Variants in ZNF724 observed in about 807,000 individuals in gnomAD.
ZNF724 encodes the protein zinc finger protein 724, also known as zinc finger protein 724 pseudogene.
ZNF724 carries 14 observed loss-of-function variants against 29.3 expected under a neutral mutation model. The ratio of observed to expected loss-of-function variants is 0.48; its 90% CI spans 0.32 to 0.75. The LOEUF is 0.75. Ranked by LOEUF, ZNF724 falls within the 30% of genes least tolerant of loss-of-function variation. The probability of loss-of-function intolerance (pLI) is 0.04; values close to 1 mark genes in which losing one functional copy is unlikely to be tolerated. For missense variants in ZNF724, 557 were observed against 571.2 expected, an observed-to-expected ratio of 0.98 and a Z score of 0.25; for synonymous variants, 180 against 193.6, an observed-to-expected ratio of 0.93 and a Z score of 0.58.
Position 23,238,459 on chromosome 19 carries a change from GT to G in ZNF724, c.4-6167del, listed in dbSNP as rs530650149. ...CCTGAGTCAGAAAGAATGACAAAAGGTTTCTTTAGCTGTAAATATGATTTAC... is the reference window on the plus strand; with the variant it reads ...CCTGAGTCAGAAAGAATGACAAAAGGTTCTTTAGCTGTAAATATGATTTAC... On this transcript the variant is annotated intron_variant, in intron 1 of 3. Transcript: ENST00000418100. Among the ~76,000 whole-genome samples the G allele has an allele frequency of 2.5e-4, 38 of 152,140 alleles. 1 individual carries two copies. Among genetic ancestry groups the G allele is most frequent in the Non-Finnish European group, 4.7e-4 (32 of 68,020 alleles).
rs890083715 is a variant in ZNF724 at position 23,223,214 on chromosome 19, C to T, written c.1031G>A (p.Gly344Asp). ...GDKPYKCEEC[G>D]KAFNVSSTLT... The stretch of plus-strand genomic sequence containing the variant: ...GGTTGAGGACACATTAAAGGCTTTG[C>T]CACATTCTTCACATTTATAAGGTTT... Residue 344 changes from glycine to aspartate, a missense_variant, in exon 4 of 4, where the codon GGC becomes GAC. This residue lies in a region of ZNF724 where 362 missense variants were observed against 295.5 expected (regional missense o/e 1.22). Coordinates refer to ENST00000418100, the MANE Select transcript of ZNF724 (RefSeq NM_001355404.2). 7 of 1,021,974 alleles carry T rather than the reference C, an allele frequency of 6.8e-6. No individual in the cohort carries two copies. Among genetic ancestry groups the T allele is most frequent in the Non-Finnish European group, 1.1e-5 (7 of 642,258 alleles). The allele number at this position is 1,021,974 out of a possible 1,614,324, so 63.3% of individuals were successfully genotyped here. A position where few individuals can be genotyped will look rare whatever the true frequency, so the allele number is the denominator to read the frequency against.
At position 23,223,132 on chromosome 19, in the gene ZNF724, A is replaced by G; in HGVS notation, c.1113T>C (p.Cys371=). 1 of 1,285,036 alleles carries G rather than the reference A, an allele frequency of 7.8e-7. No individual in the cohort carries two copies. The highest frequency in any genetic ancestry group is 1.1e-6 in the Non-Finnish European group (1 of 881,236). 79.6% of individuals were successfully genotyped at this position (1,285,036 alleles called of 1,614,324 possible). A position where few individuals can be genotyped will look rare whatever the true frequency, so the allele number is the denominator to read the frequency against. The change falls in exon 4 of 4, where the codon TGT becomes TGC. Residue 371 remains cysteine, a synonymous_variant. Coordinates refer to ENST00000418100, the MANE Select transcript of ZNF724 (RefSeq NM_001355404.2). ...TGEKPYKCEE[C]GKAFNVSSTL... ...TTGAGGACACGTTAAAGGCTTTGCCACACTCTTCACATTTGTAAGGTTTCT... is the reference window on the plus strand; with the variant it reads ...TTGAGGACACGTTAAAGGCTTTGCCGCACTCTTCACATTTGTAAGGTTTCT...
In ZNF724 at chr19:23,244,268, G is replaced by A. The variant is rs1050741146; in HGVS notation, c.3+5972C>T. 1.2e-4 allele frequency among the ~76,000 whole-genome samples: 19 copies of A among 152,194 alleles called. 1 individual carries two copies. The highest frequency in any genetic ancestry group is 4.3e-4 in the African/African-American group (18 of 41,514). Reference sequence around the variant, plus strand: ...GGTGTCTGGGGAACAGGAATATGCCGGGAGACTCGTAGACACTTTTGAAGG... The same window carrying A: ...GGTGTCTGGGGAACAGGAATATGCCAGGAGACTCGTAGACACTTTTGAAGG... On this transcript the variant is annotated intron_variant, in intron 1 of 3. Coordinates refer to ENST00000418100, the MANE Select transcript of ZNF724 (RefSeq NM_001355404.2).
chr19:23,241,776 C>G (rs767631060), intron 1 of ZNF724, among the ~76,000 whole-genome samples: 4 of 152,130 alleles, frequency 2.6e-5, no homozygotes, highest in Non-Finnish European at 5.9e-5. Flanking sequence ...CCAAAGCCAA[C>G]ATACTAAATG....
At chr19:23,224,143 A>T (rs1971779761) in intron 3 of ZNF724, 125 bp from the exon 4 acceptor site, 1 of 529,836 alleles carries the variant, frequency 1.9e-6, no homozygotes, top group South Asian at 3.1e-5. Flanking sequence ...CAGGCATGGT[A>T]GCTAATGCCT....
chr19:23,235,584 C>T lies in ZNF724; in HGVS notation c.4-3291G>A, dbSNP rs184109425. ...GCACCAGCTCTAAAAATTTAACAGA[C>T]TCACTAGTCAAAACTTCCAATCAGT... On this transcript the variant is annotated intron_variant, in intron 1 of 3. Transcript: ENST00000418100. Among the ~76,000 whole-genome samples the T allele has an allele frequency of 2.1e-3, 317 of 152,102 alleles. 5 individuals are homozygous for T. Among genetic ancestry groups the T allele is most frequent in the Non-Finnish European group, 2.2e-4 (15 of 67,984 alleles).
intron 1 of ZNF724, among the ~76,000 whole-genome samples, chr19:23,237,717 T>TAA (rs56110527): frequency 0.017 from 2,296 of 132,548 alleles, 69 homozygotes; most frequent in African/African-American, 0.058. Context: ...GAACCCGTCT[T>TAA]AAAAAAAAAA....
intron 1 of ZNF724, among the ~76,000 whole-genome samples, chr19:23,247,124 G>A (rs919767945): frequency 6.6e-6 from 1 of 152,160 alleles, no homozygotes; most frequent in Non-Finnish European, 1.5e-5. Flanking sequence ...TCAGGAGGCT[G>A]AGGAAGGAGA....
intron 1 of ZNF724, among the ~76,000 whole-genome samples, chr19:23,244,966 T>C (rs1223267557): frequency 6.6e-6 from 1 of 152,146 alleles, no homozygotes; most frequent in East Asian, 1.9e-4. Context: ...AAGAAATGTG[T>C]AAGACAAAGA....
rs1226178559 is a variant in ZNF724, at chr19:23,223,217, C to T, written c.1028G>A (p.Cys343Tyr). The change falls in exon 4 of 4, where the codon TGT becomes TAT. Residue 343 changes from cysteine (C) to tyrosine (Y), a missense_variant. Physicochemically the swap from Cys to Tyr is radical, Grantham distance 194 (BLOSUM62 -2). This residue lies in a region of ZNF724 where 362 missense variants were observed against 295.5 expected (regional missense o/e 1.22). Coordinates refer to ENST00000418100, the MANE Select transcript of ZNF724 (RefSeq NM_001355404.2). Reference protein sequence around the residue: ...TGDKPYKCEECGKAFNVSSTL... With the variant: ...TGDKPYKCEEYGKAFNVSSTL... ...TGAGGACACATTAAAGGCTTTGCCA[C>T]ATTCTTCACATTTATAAGGTTTATC... The T allele has an allele frequency of 2.0e-6, 2 of 1,001,480 alleles. No individual in the cohort carries two copies. The highest frequency in any genetic ancestry group is 1.7e-5 in the Admixed American group (1 of 58,116). 62.0% of individuals were successfully genotyped at this position (1,001,480 alleles called of 1,614,324 possible).
intron 2 of ZNF724, 52 bp from the exon 3 acceptor site, chr19:23,231,413 T>C (rs1262165587): frequency 8.4e-7 from 1 of 1,186,868 alleles, no homozygotes; most frequent in African/African-American, 1.5e-5. Context: ...CTTTAAATAA[T>C]GTGCTCAGTA....
At chr19:23,232,457 T>C (rs572778344) in intron 1 of ZNF724, among the ~76,000 whole-genome samples, 164 bp from the exon 2 acceptor site, 1 of 152,324 alleles carries the variant, frequency 6.6e-6, no homozygotes, top group South Asian at 2.1e-4. Context: ...TCTGATGTAC[T>C]CTCTAACTCT....
intron 3 of ZNF724, among the ~76,000 whole-genome samples, chr19:23,229,025 T>C (rs1971888773): frequency 6.6e-6 from 1 of 151,400 alleles, no homozygotes; most frequent in Admixed American, 6.6e-5. Context: ...ATGGTGCCAC[T>C]GCACTCCAGT....
rs1972204814 is a variant in ZNF724 at position 23,244,602 on chromosome 19, GTAT to G, written c.3+5635_3+5637del. On this transcript the variant is annotated intron_variant, in intron 1 of 3. Transcript: ENST00000418100. ...TTTATTCCAGGCTAGACCTTTTATG[GTAT>G]TTTTATTCTGGCACAAAATCTATAG... Among the ~76,000 whole-genome samples the G allele has an allele frequency of 1.3e-5, 2 of 152,082 alleles. 1 individual carries two copies. Among genetic ancestry groups the G allele is most frequent in the Admixed American group, 1.3e-4 (2 of 15,264 alleles).
At chr19:23,240,031 G>C (rs942397767) in intron 1 of ZNF724, among the ~76,000 whole-genome samples, 1 of 152,098 alleles carries the variant, frequency 6.6e-6, no homozygotes, top group African/African-American at 2.4e-5. Context: ...ACAACAGGGG[G>C]CCAGGTGCCG....
chr19:23,245,981 T>C (rs192671076), intron 1 of ZNF724, among the ~76,000 whole-genome samples: 1 of 152,260 alleles, frequency 6.6e-6, no homozygotes, highest in African/African-American at 2.4e-5. Flanking sequence ...GCTTCTTCCA[T>C]GGCTGGAGTG....
intron 1 of ZNF724, among the ~76,000 whole-genome samples, chr19:23,247,471 A>G (rs1416974559): frequency 1.3e-5 from 2 of 152,200 alleles, no homozygotes; most frequent in Non-Finnish European, 2.9e-5. Flanking sequence ...AGTGCTGATT[A>G]GAAAACAGAT....
intron 1 of ZNF724, among the ~76,000 whole-genome samples, chr19:23,239,553 G>A (rs1315344698): frequency 9.2e-5 from 14 of 152,204 alleles, no homozygotes; most frequent in East Asian, 1.9e-4. Flanking sequence ...AACCAGAATC[G>A]CTACAACACA....
chr19:23,233,149 C>T (rs1268776574), intron 1 of ZNF724, among the ~76,000 whole-genome samples: 13 of 152,074 alleles, frequency 8.5e-5, no homozygotes, highest in Non-Finnish European at 7.4e-5. Flanking sequence ...TAAATTCAAC[C>T]ATATGGAAAC....
Sources: allele counts gnomAD v4.1 joint callset (sites outside exome capture counted in the v4.1 genomes callset), GRCh38; gene constraint gnomAD v4.1.1; regional missense constraint gnomAD v4.1.1; transcripts MANE v1.5; gene names NCBI Gene and HGNC (gene_info 2026-07-23, HGNC 2026-07-21).